Variants in CD55 observed in about 807,000 individuals in gnomAD.
CD55 encodes CD55 molecule (Cromer blood group), also known as complement decay-accelerating factor.
In CD55, 41 loss-of-function variants were observed where a neutral mutation model predicts 45.8. That is an observed-to-expected ratio of 0.90 (90% confidence interval 0.70 to 1.16). CD55 has a LOEUF of 1.16. Among genes scored for constraint, CD55 ranks in the 50% most tolerant of loss-of-function variants. The probability of loss-of-function intolerance (pLI) is 0.00; values close to 1 mark genes in which losing one functional copy is unlikely to be tolerated. For missense variants in CD55, 416 were observed against 469.8 expected, an observed-to-expected ratio of 0.89 and a Z score of 1.06; for synonymous variants, 181 against 181.1, an observed-to-expected ratio of 1.00 and a Z score of 0.01.
At chr1:207,330,443 A>C (rs1409267291) in intron 5 of CD55, among the ~76,000 whole-genome samples, 1 of 152,030 alleles carries the variant, frequency 6.6e-6, no homozygotes, top group East Asian at 1.9e-4. Flanking sequence ...AACTAAAAAA[A>C]CTTCTGCTTG....
intron 9 of CD55, among the ~76,000 whole-genome samples, chr1:207,339,629 T>G (rs1444919415): frequency 6.6e-6 from 1 of 152,164 alleles, no homozygotes. Context: ...TCAGCAATTT[T>G]CAACTCATGG....
chr1:207,324,557 A>G lies in CD55; in HGVS notation c.287-2A>G. ...TGTTGCTGCTTTTGTTAATACTTTT[A>G]GGTAGCTGCGAGGTGCCAACAAGGC... On this transcript the variant is annotated splice_acceptor_variant, in intron 2 of 9. Coordinates refer to ENST00000367064, the MANE Select transcript of CD55 (RefSeq NM_000574.5). LOFTEE classifies it high-confidence loss of function. 6.5e-7 allele frequency: 1 copy of G among 1,545,348 alleles called. No individual in the cohort carries two copies. The highest frequency in any genetic ancestry group is 1.3e-5 in the South Asian group (1 of 78,842).
chr1:207,322,152 C>T, intron 1 of CD55: 1 of 678,178 alleles, frequency 1.5e-6, no homozygotes, highest in South Asian at 1.6e-5. Context: ...AGGGAGGGCT[C>T]AAAGAGACTG....
intron 8 of CD55, 140 bp downstream of exon 8, chr1:207,337,549 TTTGGAAGCGGAC>T (rs1179231450): frequency 1.8e-6 from 1 of 554,060 alleles, no homozygotes; most frequent in African/African-American, 1.9e-5. Context: ...TTTTACTTTA[TTTGGAAGCGGAC>T]TTGGATTGTA....
rs1204515027 is a variant in CD55 at position 207,325,633 on chromosome 1, C to A, written c.490C>A (p.Pro164Thr). 2 of 1,603,286 alleles carry A rather than the reference C, an allele frequency of 1.2e-6. No individual in the cohort carries two copies. The highest frequency in any genetic ancestry group is 1.3e-5 in the African/African-American group (1 of 74,588). ...GTATTCTATTCTAGAGAAATCATGC[C>A]CTAATCCGGGAGAAATACGAAATGG... ...AVEFCKKKSC[P>T]NPGEIRNGQI... The change falls in exon 4 of 10, where the codon CCT (proline) becomes ACT (threonine). Residue 164 changes from proline to threonine, a missense_variant. This residue lies in a region of CD55 where 111 missense variants were observed against 163.4 expected (regional missense o/e 0.68). Transcript: ENST00000367064.
chr1:207,322,315 T>C (rs186930821), intron 1 of CD55, 67 bp from the exon 2 acceptor site: 15 of 1,329,490 alleles, frequency 1.1e-5, no homozygotes, highest in Admixed American at 1.7e-5. Flanking sequence ...GGGGCTTGTG[T>C]CTTGAAAACA....
intron 6 of CD55, among the ~76,000 whole-genome samples, chr1:207,332,154 A>G (rs1438642960): frequency 6.6e-6 from 1 of 152,100 alleles, no homozygotes; most frequent in Non-Finnish European, 1.5e-5. Context: ...TCGGAGAGGT[A>G]ACAATTTTTT....
chr1:207,333,804 GA>G (rs1475210297), intron 6 of CD55, among the ~76,000 whole-genome samples: 1 of 152,098 alleles, frequency 6.6e-6, no homozygotes, highest in Non-Finnish European at 1.5e-5. Context: ...ATTAGGAACT[GA>G]AAGATCGGTT....
At position 207,337,377 on chromosome 1, in the gene CD55, C is replaced by A. The variant is rs1402411395; in HGVS notation, c.1028C>A (p.Thr343Lys). 6.2e-7 allele frequency: 1 copy of A among 1,610,614 alleles called. No individual in the cohort carries two copies. ...AGGACAACCAAGCATTTTCATGAAA[C>A]AACCCCAAATAAAGGAAGTGGAACC... ...VSRTTKHFHE[T>K]TPNKGSGTTS... The change falls in exon 8 of 10, where the codon ACA (threonine) becomes AAA (lysine). Residue 343 changes from threonine to lysine, a missense_variant. This residue lies in a region of CD55 where 182 missense variants were observed against 201.4 expected (regional missense o/e 0.90). Coordinates refer to ENST00000367064, the MANE Select transcript of CD55 (RefSeq NM_000574.5).
At chr1:207,329,921 T>G (rs1654865645) in intron 5 of CD55, among the ~76,000 whole-genome samples, 1 of 152,194 alleles carries the variant, frequency 6.6e-6, no homozygotes. Flanking sequence ...TGCCCCTTCT[T>G]TACTTAGCTA....
rs1052231304 is a variant in CD55, at chr1:207,360,363, A to G, written c.*753A>G. On this transcript the variant is annotated 3_prime_UTR_variant, in exon 10 of 10. Coordinates refer to ENST00000367064, the MANE Select transcript of CD55 (RefSeq NM_000574.5). Reference sequence around the variant, plus strand: ...GTCCATAGTCAAATTTGTAAATCTTATTCTTTTGTAATATTTATTTATATT... The same window carrying G: ...GTCCATAGTCAAATTTGTAAATCTTGTTCTTTTGTAATATTTATTTATATT... 1 of 152,178 alleles carries G rather than the reference A, an allele frequency of 6.6e-6. No homozygotes were observed. Among genetic ancestry groups the G allele is most frequent in the Non-Finnish European group, 1.5e-5 (1 of 68,016 alleles). 9.4% of individuals were successfully genotyped at this position (152,178 alleles called of 1,614,324 possible). A position where few individuals can be genotyped will look rare whatever the true frequency, so the allele number is the denominator to read the frequency against.
intron 2 of CD55, among the ~76,000 whole-genome samples, 196 bp from the exon 3 acceptor site, chr1:207,324,363 G>A (rs1180992466): frequency 6.6e-6 from 1 of 151,778 alleles, no homozygotes; most frequent in African/African-American, 2.4e-5. Flanking sequence ...TAAGCCTCTA[G>A]TAACTAGGAA....
At chr1:207,336,663 T>C (rs1655183466) in intron 6 of CD55, 30 bp from the exon 7 acceptor site, 1 of 1,611,498 alleles carries the variant, frequency 6.2e-7, no homozygotes, top group African/African-American at 1.3e-5. Context: ...AATATTTAGC[T>C]AACTTGTTTC....
rs1168739153 is a variant in CD55 at position 207,360,317 on chromosome 1, ATAT to A, written c.*712_*714del. 1 of 152,184 alleles carries A rather than the reference ATAT, an allele frequency of 6.6e-6. No homozygotes were observed. Among genetic ancestry groups the A allele is most frequent in the Non-Finnish European group, 1.5e-5 (1 of 68,014 alleles). The allele number at this position is 152,184 out of a possible 1,614,324, so 9.4% of individuals were successfully genotyped here. ...CAATATTAACATAAGAAAAGATTAT[ATAT>A]TATTTCTGAATCGAGATGTCCATAG... is the stretch of plus-strand genomic sequence containing the variant. On this transcript the variant is annotated 3_prime_UTR_variant, in exon 10 of 10. Coordinates refer to ENST00000367064, the MANE Select transcript of CD55 (RefSeq NM_000574.5).
intron 9 of CD55, among the ~76,000 whole-genome samples, chr1:207,344,555 C>T (rs977740469): frequency 6.6e-6 from 1 of 152,028 alleles, no homozygotes; most frequent in Non-Finnish European, 1.5e-5. Flanking sequence ...TATATCATCC[C>T]GTTCTCTCCT....
chr1:207,336,902 A>C, intron 7 of CD55, 84 bp downstream of exon 7: 1 of 1,488,508 alleles, frequency 6.7e-7, no homozygotes, highest in Non-Finnish European at 9.4e-7. Flanking sequence ...TCAGAAACCC[A>C]CCACAGTAAA....
At position 207,357,364 on chromosome 1, in the gene CD55, T is replaced by C. The variant is rs529442287; in HGVS notation, c.1082-2182T>C. ...TAGTACTAAGTCATCTAAAGTGAGT[T>C]GGTATGGAAGCATCAGCAAAGCTAC... On this transcript the variant is annotated intron_variant, in intron 9 of 9. Coordinates refer to ENST00000367064, the MANE Select transcript of CD55 (RefSeq NM_000574.5). Among the ~76,000 whole-genome samples, 5 of 152,208 alleles carry C rather than the reference T, an allele frequency of 3.3e-5. No individual in the cohort carries two copies. The South Asian group carries it at 1.0e-3, about 32-fold the overall frequency.
At chr1:207,335,087 A>G (rs1372197802) in intron 6 of CD55, among the ~76,000 whole-genome samples, 2 of 152,176 alleles carry the variant, frequency 1.3e-5, no homozygotes, top group African/African-American at 4.8e-5. Flanking sequence ...ACTCAACAGT[A>G]ATATATCATA....
At chr1:207,356,540 C>T (rs1005814358) in intron 9 of CD55, among the ~76,000 whole-genome samples, 2 of 152,138 alleles carry the variant, frequency 1.3e-5, no homozygotes, top group Non-Finnish European at 2.9e-5. Flanking sequence ...CTCTAACATA[C>T]TGTGAAATTG....
Sources: gnomAD v4.1 joint callset for allele counts (sites outside exome capture counted in the v4.1 genomes callset) on GRCh38, gnomAD v4.1.1 for gene constraint, gnomAD v4.1.1 regional missense constraint, MANE v1.5 for transcripts, NCBI Gene and HGNC (gene_info 2026-07-23, HGNC 2026-07-21) for gene names.